PLAUR: variants seen among roughly 807,000 people sequenced by gnomAD.
PLAUR encodes plasminogen activator, urokinase receptor, also known as urokinase plasminogen activator surface receptor.
PLAUR carries 22 observed loss-of-function variants against 33.4 expected under a neutral mutation model. The observed-to-expected ratio is 0.66, with a 90% CI of 0.47 to 0.94. The LOEUF is 0.94. Among genes scored for constraint, PLAUR ranks in the 40% least tolerant of loss-of-function variants. The pLI is 0.00. For missense variants in PLAUR, 408 were observed against 434.7 expected (o/e 0.94, Z 0.55); for synonymous variants, 148 against 167.3 (o/e 0.88, Z 0.89).
chr19:43,665,515 T>TG, intron 2 of PLAUR, 56 bp from the exon 3 acceptor site: 2 of 1,584,816 alleles, frequency 1.3e-6, no homozygotes. Context: ...AACCAGCCTC[T>TG]GACACTCCTG....
intron 3 of PLAUR, among the ~76,000 whole-genome samples, chr19:43,659,258 A>G (rs1343110208): frequency 1.5e-5 from 2 of 135,714 alleles, no homozygotes; most frequent in South Asian, 2.3e-4. Context: ...AGCTCAGGTG[A>G]TTCTCCCATC....
rs552823766 is a variant in PLAUR, at chr19:43,657,929, G to A, written c.311-1289C>T. Among the ~76,000 whole-genome samples, 9 of 152,254 alleles carry A rather than the reference G, an allele frequency of 5.9e-5. No homozygotes were observed. In the South Asian group the frequency reaches 1.9e-3, roughly 32 times the overall value. The stretch of plus-strand genomic sequence containing the variant: ...CCTTAAAGAATAGGGCTGGCTGGGT[G>A]CAGCAGCTCATGCCTGTAATCCCAG... On this transcript the variant is annotated intron_variant, in intron 3 of 6. Transcript: ENST00000340093.
chr19:43,649,520 A>T (rs565145349), intron 6 of PLAUR, among the ~76,000 whole-genome samples: 13 of 148,492 alleles, frequency 8.8e-5, no homozygotes, highest in Admixed American at 3.4e-4. Context: ...AGCCTGGGTA[A>T]CAGAGTGAGA....
At chr19:43,656,184 C>T (rs1974201084) in intron 4 of PLAUR, among the ~76,000 whole-genome samples, 2 of 151,486 alleles carry the variant, frequency 1.3e-5, no homozygotes, top group Non-Finnish European at 2.9e-5. Context: ...ACCTGGGAGG[C>T]GGAGGTTGCA....
chr19:43,662,536 G>A (rs972013553), intron 3 of PLAUR, among the ~76,000 whole-genome samples: 1 of 151,982 alleles, frequency 6.6e-6, no homozygotes, highest in Non-Finnish European at 1.5e-5. Context: ...CATGACATTC[G>A]CTGTTTAAAA....
At chr19:43,649,229 G>A in intron 6 of PLAUR, 86 bp from the exon 7 acceptor site, 3 of 1,456,516 alleles carry the variant, frequency 2.1e-6, no homozygotes. Context: ...ACCTTGCAGT[G>A]GGTGCCACCT....
At chr19:43,666,906 T>G (rs2146286409) in intron 2 of PLAUR, among the ~76,000 whole-genome samples, 1 of 150,030 alleles carries the variant, frequency 6.7e-6, no homozygotes, top group East Asian at 2.0e-4. Context: ...TGACAGGATC[T>G]CGCTCTGTCG....
chr19:43,663,220 T>G (rs901132098), intron 3 of PLAUR, among the ~76,000 whole-genome samples: 5 of 151,962 alleles, frequency 3.3e-5, no homozygotes, highest in African/African-American at 1.2e-4. Flanking sequence ...TGCCATTGCT[T>G]TTAATGGCAA....
Position 43,655,537 on chromosome 19 carries a change from C to T in PLAUR, c.509G>A (p.Gly170Asp), listed in dbSNP as rs1036175912. Residue 170 changes from glycine to aspartate, a missense_variant, in exon 5 of 7, where the codon GGC (glycine) becomes GAC (aspartate). Coordinates refer to ENST00000340093, the MANE Select transcript of PLAUR (RefSeq NM_002659.4). ...GGAGCCCGGGCAGCCGGGAAGGTAG[C>T]CACAGCCACGGAGGTGGCGGTCATC... is the stretch of plus-strand genomic sequence containing the variant. ...PKDDRHLRGC[G>D]YLPGCPGSNG... 6 of 1,614,072 alleles carry T rather than the reference C, an allele frequency of 3.7e-6. No individual in the cohort carries two copies. The Admixed American group carries it at 8.3e-5, about 22-fold the overall frequency.
intron 4 of PLAUR, 121 bp downstream of exon 4, chr19:43,656,358 C>T (rs1282041622): frequency 3.4e-6 from 3 of 870,774 alleles, no homozygotes; most frequent in South Asian, 2.1e-5. Flanking sequence ...CACTGGACCT[C>T]TTGTGTATGA....
chr19:43,650,320 T>G (rs117305985), intron 6 of PLAUR, among the ~76,000 whole-genome samples: 16,631 of 150,738 alleles, frequency 0.11, 1,042 homozygotes, highest in Admixed American at 0.19. Context: ...GTTTTTTTTT[T>G]GTTGTTTCTT....
rs1973886669 is a variant in PLAUR at position 43,649,118 on chromosome 19, T to C, written c.780A>G (p.Val260=). 2 of 1,613,208 alleles carry C rather than the reference T, an allele frequency of 1.2e-6. No individual in the cohort carries two copies. The highest frequency in any genetic ancestry group is 1.7e-4 in the Middle Eastern group (1 of 6,054). The part of the protein sequence containing the change: ...THEPKNQSYM[V]RGCATASMCQ... ...ACATTGAGGCGGTTGCACAGCCTCT[T>C]ACCATATAGCTTTGGTTTTTCGGTT... Residue 260 remains valine, a synonymous_variant, in exon 7 of 7, where the codon GTA becomes GTG. Transcript: ENST00000340093.
downstream of PLAUR, among the ~76,000 whole-genome samples, chr19:43,647,036 T>G (rs929250673): frequency 6.6e-6 from 1 of 152,060 alleles, no homozygotes; most frequent in African/African-American, 2.4e-5. Flanking sequence ...CACCTCGGCC[T>G]CCCAAAGTGC....
At position 43,656,436 on chromosome 19, in the gene PLAUR, G is replaced by A. The variant is rs1049660785; in HGVS notation, c.472+43C>T. On this transcript the variant is annotated intron_variant, in intron 4 of 6. Transcript: ENST00000340093. ...GTTTGTTAAGTGCAGTCTTAGGGAG[G>A]AGCAGAGCAGGGAGGAGGAGTTGCC... 4 of 1,522,960 alleles carry A rather than the reference G, an allele frequency of 2.6e-6. No individual in the cohort carries two copies. The African/African-American group carries it at 5.5e-5, about 21-fold the overall frequency. The allele number at this position is 1,522,960 out of a possible 1,614,324, so 94.3% of individuals were successfully genotyped here. A position where few individuals can be genotyped will look rare whatever the true frequency, so the allele number is the denominator to read the frequency against.
At chr19:43,668,910 C>G (rs1292045208) in intron 1 of PLAUR, among the ~76,000 whole-genome samples, 1 of 151,696 alleles carries the variant, frequency 6.6e-6, no homozygotes, top group Non-Finnish European at 1.5e-5. Flanking sequence ...GCCCCGCCCT[C>G]TGGCTCCTCC....
intron 5 of PLAUR, among the ~76,000 whole-genome samples, 187 bp downstream of exon 5, chr19:43,655,252 G>A (rs565413420): frequency 5.0e-4 from 74 of 147,662 alleles, no homozygotes; most frequent in African/African-American, 1.7e-3. Flanking sequence ...ACTCCAGCCT[G>A]GGCAACAGAG....
chr19:43,651,891 T>G (rs1974007564), intron 6 of PLAUR: 5 of 1,042,628 alleles, frequency 4.8e-6, no homozygotes, highest in Middle Eastern at 4.7e-4. Context: ...ATTCCATTTT[T>G]CTTTTTGTAG....
intron 3 of PLAUR, among the ~76,000 whole-genome samples, chr19:43,659,645 C>T (rs568302820): frequency 1.9e-4 from 29 of 152,310 alleles, no homozygotes; most frequent in Non-Finnish European, 3.4e-4. Context: ...CTGTCCTAAA[C>T]AAAACTCCCC....
At chr19:43,654,559 AC>A (rs923603437) in intron 5 of PLAUR, among the ~76,000 whole-genome samples, 1 of 151,932 alleles carries the variant, frequency 6.6e-6, no homozygotes, top group Admixed American at 6.6e-5. Flanking sequence ...ACAAAGCAAG[AC>A]CCCATCTCTA....
Sources: gnomAD v4.1 joint callset for allele counts (sites outside exome capture counted in the v4.1 genomes callset) on GRCh38, gnomAD v4.1.1 for gene constraint, MANE v1.5 for transcripts, NCBI Gene and HGNC (gene_info 2026-07-23, HGNC 2026-07-21) for gene names.